Variants in SAG observed in about 807,000 individuals in gnomAD.
The protein encoded by SAG is S-arrestin.
SAG carries 45 observed loss-of-function variants against 55.0 expected under a neutral mutation model. The observed-to-expected ratio is 0.82, with a 90% confidence interval of 0.64 to 1.05. The LOEUF (loss-of-function observed/expected upper bound fraction) is 1.05, where lower values mean the gene tolerates loss of function less well. Ranked by LOEUF, SAG falls within the 50% of genes least tolerant of loss-of-function variation. The pLI is 0.00. For missense variants in SAG, 455 were observed against 512.1 expected (o/e 0.89, Z 1.08); for synonymous variants, 189 against 197.4 (o/e 0.96, Z 0.36).
At position 233,322,991 on chromosome 2, in the gene SAG, C is replaced by G. The variant is rs1335289275; in HGVS notation, c.421C>G (p.Gln141Glu). ...PCSVMLQPAP[Q>E]DSGKSCGVDF... Reference sequence around the variant, plus strand: ...TTCAGTGATGTTGCAGCCAGCTCCACAAGATTCAGGGAAGGTTAGTTCAAG... The same window carrying G: ...TTCAGTGATGTTGCAGCCAGCTCCAGAAGATTCAGGGAAGGTTAGTTCAAG... Residue 141 changes from glutamine to glutamate, a missense_variant, in exon 6 of 16, where the codon CAA becomes GAA. Transcript: ENST00000409110. 6.4e-7 allele frequency: 1 copy of G among 1,574,330 alleles called. No individual in the cohort carries two copies. Among genetic ancestry groups the G allele is most frequent in the Admixed American group, 1.8e-5 (1 of 55,700 alleles).
chr2:233,322,854 A>C (rs936187521), intron 5 of SAG, 92 bp from the exon 6 acceptor site: 10 of 805,974 alleles, frequency 1.2e-5, no homozygotes, highest in Middle Eastern at 2.3e-4. Flanking sequence ...CTTGCTTATC[A>C]TCTTTATTTT....
At chr2:233,338,645 A>G (rs1413392386) in intron 11 of SAG, 31 bp from the exon 12 acceptor site, 11 of 1,595,172 alleles carry the variant, frequency 6.9e-6, no homozygotes, top group Non-Finnish European at 9.5e-6. Flanking sequence ...TCTGCTCTCC[A>G]TCATTCTCCT....
intron 9 of SAG, among the ~76,000 whole-genome samples, chr2:233,330,465 TTCCC>T (rs201212807): frequency 0.12 from 15,803 of 127,744 alleles, 2,545 homozygotes; most frequent in South Asian, 0.23. Flanking sequence ...TTCTAGACTT[TTCCC>T]TCCCTCCCTT....
At position 233,319,617 on chromosome 2, in the gene SAG, A is replaced by T; in HGVS notation, c.181+822A>T. 2.0e-6 allele frequency: 2 copies of T among 986,874 alleles called. No homozygotes were observed. Among genetic ancestry groups the T allele is most frequent in the Non-Finnish European group, 2.4e-6 (2 of 830,998 alleles). 61.1% of individuals were successfully genotyped at this position (986,874 alleles called of 1,614,324 possible). On this transcript the variant is annotated intron_variant, in intron 4 of 15. Coordinates refer to ENST00000409110, the MANE Select transcript of SAG (RefSeq NM_000541.5). The surrounding 1 kb of genome is among the most constrained non-coding windows in gnomAD (Gnocchi z 4.4). ...GGGGCATGGCTGAAATGGGGCCCCA[A>T]ACGGCCCCCTCTGTCCTCTCCACCT... is the stretch of plus-strand genomic sequence containing the variant.
At chr2:233,336,536 A>G (rs533484239) in intron 11 of SAG, among the ~76,000 whole-genome samples, 1 of 152,018 alleles carries the variant, frequency 6.6e-6, no homozygotes, top group South Asian at 2.1e-4. Flanking sequence ...AAACCAACCA[A>G]CAAAACAAAA....
intron 5 of SAG, 71 bp from the exon 6 acceptor site, chr2:233,322,875 C>A: frequency 2.2e-6 from 2 of 892,496 alleles, no homozygotes; most frequent in Non-Finnish European, 3.5e-6. Context: ...CTAATTTTTA[C>A]ATGATTATAT....
At chr2:233,333,283 T>G (rs1291504395) in intron 10 of SAG, 1 of 152,260 alleles carries the variant, frequency 6.6e-6, no homozygotes. Context: ...GGAGGGGTCT[T>G]GGCCCTGGTT....
intron 10 of SAG, chr2:233,334,691 C>A: frequency 2.7e-6 from 1 of 368,730 alleles, no homozygotes. Flanking sequence ...CAGTTTGTCT[C>A]ATTAACTCCA....
At chr2:233,333,052 T>A (rs1319020423) in intron 10 of SAG, 1 of 152,276 alleles carries the variant, frequency 6.6e-6, no homozygotes, top group African/African-American at 2.4e-5. Context: ...TGCCTCAGCC[T>A]CCCAAAGTGC....
At chr2:233,325,152 C>T (rs757449279) in intron 6 of SAG, among the ~76,000 whole-genome samples, 7 of 149,112 alleles carry the variant, frequency 4.7e-5, no homozygotes, top group Admixed American at 6.7e-5. Context: ...TGCAGTGAGC[C>T]GAGATTGTGC....
At chr2:233,313,708 G>A (rs920522889) in intron 2 of SAG, among the ~76,000 whole-genome samples, 74 of 133,512 alleles carry the variant, frequency 5.5e-4, no homozygotes, top group Non-Finnish European at 8.6e-4. Context: ...ACCTTGCCCG[G>A]GCTAATCTTT....
intron 7 of SAG, 132 bp from the exon 8 acceptor site, chr2:233,328,346 C>G (rs2125336603): frequency 8.7e-7 from 1 of 1,143,058 alleles, no homozygotes; most frequent in East Asian, 2.4e-5. Context: ...TGTCGTTGCC[C>G]TCTTCCCGTC....
intron 2 of SAG, among the ~76,000 whole-genome samples, chr2:233,314,235 A>C (rs1214421404): frequency 6.6e-6 from 1 of 151,688 alleles, no homozygotes; most frequent in East Asian, 1.9e-4. Context: ...AAAAAAAAAA[A>C]ATTACAAGAA....
intron 7 of SAG, 182 bp from the exon 8 acceptor site, chr2:233,328,296 A>G (rs1700635325): frequency 1.7e-6 from 1 of 605,882 alleles, no homozygotes; most frequent in East Asian, 3.0e-5. Context: ...CCAGACCCCC[A>G]GGCTCTTCCA....
intron 10 of SAG, chr2:233,332,956 C>G (rs575041107): frequency 1.3e-5 from 2 of 152,142 alleles, no homozygotes; most frequent in African/African-American, 4.8e-5. Flanking sequence ...AGCCACCGTG[C>G]CTGGCTGATT....
Position 233,331,620 on chromosome 2 carries a change from C to G in SAG, c.734-20C>G. On this transcript the variant is annotated intron_variant, in intron 9 of 15. Transcript: ENST00000409110. ...TGGGGGACCAGTGCTGACCACCGGA[C>G]TCCCGTCTTCCCCTTGCAGTGGAAC... 1.9e-6 allele frequency: 3 copies of G among 1,586,592 alleles called. No homozygotes were observed. Among genetic ancestry groups the G allele is most frequent in the Non-Finnish European group, 2.6e-6 (3 of 1,155,260 alleles).
chr2:233,341,455 A>G (rs1264781839), intron 13 of SAG, among the ~76,000 whole-genome samples: 1 of 152,260 alleles, frequency 6.6e-6, no homozygotes, highest in African/African-American at 2.4e-5. Context: ...CCAACAGATG[A>G]ATGGGATAAA....
intron 2 of SAG, among the ~76,000 whole-genome samples, chr2:233,311,912 G>A (rs1700084874): frequency 6.6e-6 from 1 of 152,142 alleles, no homozygotes; most frequent in African/African-American, 2.4e-5. Flanking sequence ...GATCACCTGA[G>A]GTCAGGAGTT....
In SAG at chr2:233,320,779, C is replaced by T; in HGVS notation, c.331C>T (p.Leu111=). ...CACCCCCACAAAACTGCAAGAGAGC[C>T]TGCTTAAAAAGCTGGGGAGCAACAC... ...ASTPTKLQES[L]LKKLGSNTYP... The change falls in exon 5 of 16, where the codon CTG becomes TTG. Residue 111 remains leucine, a synonymous_variant. Coordinates refer to ENST00000409110, the MANE Select transcript of SAG (RefSeq NM_000541.5). 1.9e-6 allele frequency: 3 copies of T among 1,605,972 alleles called. No individual in the cohort carries two copies. The highest frequency in any genetic ancestry group is 2.6e-6 in the Non-Finnish European group (3 of 1,176,364).
Sources: allele counts gnomAD v4.1 joint callset (sites outside exome capture counted in the v4.1 genomes callset), GRCh38; gene constraint gnomAD v4.1.1; non-coding constraint Gnocchi (gnomAD v3.1); transcripts MANE v1.5; gene names NCBI Gene and HGNC (gene_info 2026-07-23, HGNC 2026-07-21).